HCN4: variants seen among roughly 807,000 people sequenced by gnomAD.
HCN4 encodes potassium/sodium hyperpolarization-activated cyclic nucleotide-gated channel 4.
In HCN4, 29 loss-of-function variants were observed where a neutral mutation model predicts 76.9. The observed-to-expected ratio is 0.38, with a 90% CI of 0.28 to 0.51. HCN4 has a LOEUF of 0.51. Among genes scored for constraint, HCN4 ranks in the 20% least tolerant of loss-of-function variants. The pLI, the probability that HCN4 is intolerant of heterozygous loss-of-function variation, is 0.90. For synonymous variants in HCN4, 772 were observed against 762.5 expected, an observed-to-expected ratio of 1.01 and a Z score of -0.21; for missense variants, 1,416 against 1,715.2, an observed-to-expected ratio of 0.83 and a Z score of 3.08.
intron 1 of HCN4, among the ~76,000 whole-genome samples, chr15:73,351,192 T>C (rs969050784): frequency 6.6e-6 from 1 of 152,048 alleles, no homozygotes; most frequent in Non-Finnish European, 1.5e-5. Context: ...GCCTCTCCTT[T>C]CCCTTCCCTT....
At chr15:73,329,544 A>G (rs1315302599) in intron 4 of HCN4, 29 bp downstream of exon 4, 30 of 1,607,470 alleles carry the variant, frequency 1.9e-5, no homozygotes, top group Non-Finnish European at 2.2e-5. Context: ...GGAGGGACCA[A>G]TGTGCGGGTG....
intron 2 of HCN4, among the ~76,000 whole-genome samples, chr15:73,341,420 G>A (rs2043002013): frequency 6.6e-6 from 1 of 152,124 alleles, no homozygotes; most frequent in African/African-American, 2.4e-5. Context: ...AGGATTACAG[G>A]CGTGAGCCAC....
At position 73,368,524 on chromosome 15, in the gene HCN4, T is replaced by G; in HGVS notation, c.-254A>C. ...GGCGCGGGGACCCCGCGCTCCCTTC[T>G]TGCCTCCCTCCCTCCCTCTGGCGTT... On this transcript the variant is annotated 5_prime_UTR_variant, in exon 1 of 8. Transcript: ENST00000261917. The surrounding 1 kb of genome is among the most constrained non-coding windows in gnomAD (Gnocchi z 6.9). The G allele has an allele frequency of 1.7e-4, 48 of 278,192 alleles. No individual in the cohort carries two copies. The highest frequency in any genetic ancestry group is 1.1e-3 in the Middle Eastern group (1 of 924). 17.2% of individuals were successfully genotyped at this position (278,192 alleles called of 1,614,324 possible). A position where few individuals can be genotyped will look rare whatever the true frequency, so the allele number is the denominator to read the frequency against.
intron 1 of HCN4, among the ~76,000 whole-genome samples, chr15:73,363,718 A>G (rs529528952): frequency 6.6e-6 from 1 of 152,300 alleles, no homozygotes; most frequent in East Asian, 1.9e-4. Flanking sequence ...AAAACCAAGG[A>G]AAGGAAGTTG....
In HCN4 at chr15:73,323,231, GA is replaced by G; in HGVS notation, c.2861del (p.Leu954ProfsTer31). 2 of 1,529,000 alleles carry G rather than the reference GA, an allele frequency of 1.3e-6. No homozygotes were observed. The highest frequency in any genetic ancestry group is 1.8e-6 in the Non-Finnish European group (2 of 1,139,826). 94.7% of individuals were successfully genotyped at this position (1,529,000 alleles called of 1,614,324 possible). On this transcript the variant is annotated frameshift_variant, in exon 8 of 8. Coordinates refer to ENST00000261917, the MANE Select transcript of HCN4 (RefSeq NM_005477.3). LOFTEE classifies it high-confidence loss of function. Reference sequence around the variant, plus strand: ...GTGGGGGTGGCAGGAAGTGCTCCGGGAGTCCCAGGCCTCCCCGGGCCCCGGG... The same window carrying G: ...GTGGGGGTGGCAGGAAGTGCTCCGGGGTCCCAGGCCTCCCCGGGCCCCGGG... ...APPGARGGLGLPEHFLPPPPS... is the reference protein window; with the variant it reads ...APPGARGGLGXPEHFLPPPPS...
rs1204386769 is a variant in HCN4, at chr15:73,343,204, G to A, written c.1209+181C>T. ...CTGTTACACACTTCATTGAGATACT[G>A]CATGTAAAGTATCCAGCACATGATA... On this transcript the variant is annotated intron_variant, in intron 2 of 7. Coordinates refer to ENST00000261917, the MANE Select transcript of HCN4 (RefSeq NM_005477.3). The surrounding 1 kb of genome is among the most constrained non-coding windows in gnomAD (Gnocchi z 5.7). Among the ~76,000 whole-genome samples, 1 of 152,228 alleles carries A rather than the reference G, an allele frequency of 6.6e-6. No homozygotes were observed. The highest frequency in any genetic ancestry group is 1.5e-5 in the Non-Finnish European group (1 of 68,044).
chr15:73,345,569 G>A (rs906136109), intron 1 of HCN4, among the ~76,000 whole-genome samples: 5 of 152,118 alleles, frequency 3.3e-5, no homozygotes, highest in African/African-American at 1.2e-4. Flanking sequence ...CAGGAGGATG[G>A]TTTCAGCATC....
chr15:73,364,316 TACAC>T (rs1221794404), intron 1 of HCN4, among the ~76,000 whole-genome samples: 1 of 152,138 alleles, frequency 6.6e-6, no homozygotes, highest in Non-Finnish European at 1.5e-5. Context: ...GACACCTAGA[TACAC>T]ACACCCAGGC....
chr15:73,326,505 G>A (rs2042900277), intron 4 of HCN4, among the ~76,000 whole-genome samples: 1 of 152,172 alleles, frequency 6.6e-6, no homozygotes, highest in African/African-American at 2.4e-5. Flanking sequence ...CTGTGTTTTA[G>A]AGAGTCCCTC....
At chr15:73,331,056 C>T (rs1257500799) in intron 3 of HCN4, among the ~76,000 whole-genome samples, 2 of 152,176 alleles carry the variant, frequency 1.3e-5, no homozygotes, top group Non-Finnish European at 2.9e-5. Context: ...CCCCTGGGGC[C>T]CTGGGAATTT....
chr15:73,347,226 T>C (rs1396111492), intron 1 of HCN4, among the ~76,000 whole-genome samples: 1 of 152,222 alleles, frequency 6.6e-6, no homozygotes, highest in Non-Finnish European at 1.5e-5. Context: ...GATGATGATC[T>C]TGAGGCTGAC....
intron 1 of HCN4, among the ~76,000 whole-genome samples, chr15:73,359,346 T>C (rs544858808): frequency 1.3e-5 from 2 of 151,752 alleles, no homozygotes; most frequent in African/African-American, 2.4e-5. Context: ...GAGAGCAGAG[T>C]TGGGTGGGGA....
rs377612051 is a variant in HCN4, at chr15:73,324,967, A to T, written c.1966T>A (p.Ser656Thr). The T allele has an allele frequency of 6.2e-7, 1 of 1,613,928 alleles. No individual in the cohort carries two copies. The highest frequency in any genetic ancestry group is 8.5e-7 in the Non-Finnish European group (1 of 1,180,022). Reference sequence around the variant, plus strand: ...AGGGCTGCCTCACCTCCAAAGTAGGAGCCGTCGGCCAGCTTGGTCTCCTTG... The same window carrying T: ...AGGGCTGCCTCACCTCCAAAGTAGGTGCCGTCGGCCAGCTTGGTCTCCTTG... Reference protein sequence around the residue: ...GNKETKLADGSYFGEICLLTR... With the variant: ...GNKETKLADGTYFGEICLLTR... The change falls in exon 6 of 8, where the codon TCC becomes ACC. Residue 656 changes from serine (S) to threonine (T), a missense_variant. Around this residue, in one of 6 missense-constraint regions of HCN4, gnomAD observed 241 missense variants for 379.4 expected, o/e 0.64. Coordinates refer to ENST00000261917, the MANE Select transcript of HCN4 (RefSeq NM_005477.3).
Position 73,323,330 on chromosome 15 carries a change from G to A in HCN4, c.2763C>T (p.Ser921=), listed in dbSNP as rs764751378. Residue 921 remains serine, a synonymous_variant, in exon 8 of 8, where the codon TCC becomes TCT. Coordinates refer to ENST00000261917, the MANE Select transcript of HCN4 (RefSeq NM_005477.3). ...HKALGGSLSS[S]DSPLLTPLQP... ...GCAGCGGGGTGAGCAGGGGAGAGTCGGAGGAGGACAGGGAGCCACCCAGCG... is the reference window on the plus strand; with the variant it reads ...GCAGCGGGGTGAGCAGGGGAGAGTCAGAGGAGGACAGGGAGCCACCCAGCG... 1.0e-5 allele frequency: 16 copies of A among 1,562,688 alleles called. No individual in the cohort carries two copies. Among genetic ancestry groups the A allele is most frequent in the East Asian group, 9.5e-5 (4 of 42,274 alleles).
chr15:73,337,381 T>A (rs2042973188), intron 2 of HCN4, among the ~76,000 whole-genome samples: 1 of 152,090 alleles, frequency 6.6e-6, no homozygotes, highest in South Asian at 2.1e-4. Flanking sequence ...TGCGCGTACA[T>A]CTAAATGAAT....
intron 1 of HCN4, among the ~76,000 whole-genome samples, chr15:73,346,966 A>C (rs1265026608): frequency 6.6e-5 from 10 of 152,188 alleles, no homozygotes; most frequent in Non-Finnish European, 5.9e-5. Context: ...AGCCAGGGGA[A>C]GGTGGCAACA....
chr15:73,364,331 T>A (rs942845339), intron 1 of HCN4, among the ~76,000 whole-genome samples: 2 of 152,116 alleles, frequency 1.3e-5, no homozygotes, highest in African/African-American at 4.8e-5. Context: ...ACACCCAGGC[T>A]GACTCCCTGA....
At chr15:73,342,960 C>T (rs747032182) in intron 2 of HCN4, among the ~76,000 whole-genome samples, 25 of 152,216 alleles carry the variant, frequency 1.6e-4, no homozygotes, top group Non-Finnish European at 2.9e-4. Flanking sequence ...TTCACCCATC[C>T]CTATTCCCTG....
At chr15:73,336,142 C>G (rs896348846) in intron 2 of HCN4, among the ~76,000 whole-genome samples, 2 of 152,146 alleles carry the variant, frequency 1.3e-5, no homozygotes, top group African/African-American at 4.8e-5. Context: ...GCACCCCCAG[C>G]CCAGATGCTG....
Sources: allele counts gnomAD v4.1 joint callset (sites outside exome capture counted in the v4.1 genomes callset), GRCh38; gene constraint gnomAD v4.1.1; regional missense constraint gnomAD v4.1.1; non-coding constraint Gnocchi (gnomAD v3.1); transcripts MANE v1.5; gene names NCBI Gene and HGNC (gene_info 2026-07-23, HGNC 2026-07-21).